The following RGS7 variants were observed in gnomAD, a reference collection of about 807,000 sequenced individuals.
The protein encoded by RGS7 is regulator of G-protein signaling 7.
Under a neutral mutation model 81.1 loss-of-function variants are expected in RGS7, and 27 were observed. The observed-to-expected ratio is 0.33, with a 90% CI of 0.25 to 0.46. RGS7 has a LOEUF of 0.46. Ranked by LOEUF, RGS7 falls within the 20% of genes least tolerant of loss-of-function variation. The pLI, the probability that RGS7 is intolerant of heterozygous loss-of-function variation, is 1.00. For missense variants in RGS7, 396 were observed against 607.4 expected (o/e 0.65, Z 3.66); for synonymous variants, 208 against 207.7 (o/e 1.00, Z -0.01).
rs559415204 is a variant in RGS7 at position 241,333,738 on chromosome 1, T to C, written c.78+21961A>G. On this transcript the variant is annotated intron_variant, in intron 2 of 18. Coordinates refer to ENST00000440928, the MANE Select transcript of RGS7 (RefSeq NM_001364886.1). ...TATTTTCTTATTTTCATTAAGGATA[T>C]TAAAACTATTTATATAGATAATATA... Among the ~76,000 whole-genome samples, 160 of 152,208 alleles carry C rather than the reference T, an allele frequency of 1.1e-3. 1 individual carries two copies. The highest frequency in any genetic ancestry group is 3.7e-3 in the African/African-American group (154 of 41,512).
chr1:241,126,256 T>C (rs2066651414), intron 2 of RGS7, among the ~76,000 whole-genome samples: 1 of 152,010 alleles, frequency 6.6e-6, no homozygotes, highest in Non-Finnish European at 1.5e-5. Flanking sequence ...TTCAAGGAAT[T>C]CTCCTGCCTC....
intron 3 of RGS7, among the ~76,000 whole-genome samples, chr1:241,040,818 A>T (rs908742258): frequency 2.6e-5 from 4 of 152,112 alleles, no homozygotes; most frequent in Non-Finnish European, 5.9e-5. Flanking sequence ...ACAAACAAAC[A>T]AACGAAAAGC....
At chr1:241,113,929 T>C (rs2065707086) in intron 2 of RGS7, among the ~76,000 whole-genome samples, 1 of 152,200 alleles carries the variant, frequency 6.6e-6, no homozygotes, top group South Asian at 2.1e-4. Context: ...CTGTATTACA[T>C]TATAGTCATA....
At chr1:240,852,774 G>A (rs534635592) in intron 9 of RGS7, among the ~76,000 whole-genome samples, 1 of 152,204 alleles carries the variant, frequency 6.6e-6, no homozygotes, top group South Asian at 2.1e-4. Context: ...AAGACAAAAA[G>A]GAAATTATCA....
chr1:240,813,555 C>T, intron 13 of RGS7, 63 bp downstream of exon 13: 1 of 975,084 alleles, frequency 1.0e-6, no homozygotes, highest in Non-Finnish European at 1.7e-6. Flanking sequence ...TAAAATCCTT[C>T]CCATTTCACT....
At position 240,933,083 on chromosome 1, in the gene RGS7, C is replaced by T. The variant is rs187750503; in HGVS notation, c.334-2315G>A. On this transcript the variant is annotated intron_variant, in intron 5 of 18. Coordinates refer to ENST00000440928, the MANE Select transcript of RGS7 (RefSeq NM_001364886.1). ...ATTTTCAGTAGAGACGGGGTTTCAC[C>T]GTGTTAGCCAGGATGGTCTCCATCT... Among the ~76,000 whole-genome samples, 197 of 149,994 alleles carry T rather than the reference C, an allele frequency of 1.3e-3. 1 individual carries two copies. The highest frequency in any genetic ancestry group is 6.8e-3 in the Middle Eastern group (2 of 294).
intron 2 of RGS7, among the ~76,000 whole-genome samples, chr1:241,106,731 A>C (rs892425934): frequency 9.5e-6 from 1 of 105,728 alleles, no homozygotes; most frequent in African/African-American, 4.3e-5. Context: ...AAAAAAAAAA[A>C]AAAAAAAACC....
rs111299955 is a variant in RGS7 at position 240,940,259 on chromosome 1, T to C, written c.227-3553A>G. ...TTTATTATTGTTTGTCTAAAAAGTA[T>C]AGAAGTGTCTTGCTTTGGCCATTTC... On this transcript the variant is annotated intron_variant, in intron 4 of 18. Coordinates refer to ENST00000440928, the MANE Select transcript of RGS7 (RefSeq NM_001364886.1). 7.3e-4 allele frequency among the ~76,000 whole-genome samples: 111 copies of C among 152,338 alleles called. 1 individual carries two copies. Among genetic ancestry groups the C allele is most frequent in the Non-Finnish European group, 1.5e-3 (102 of 68,038 alleles).
chr1:240,836,994 T>C (rs750233510), intron 9 of RGS7, among the ~76,000 whole-genome samples: 14 of 152,208 alleles, frequency 9.2e-5, no homozygotes, highest in Non-Finnish European at 1.9e-4. Context: ...TCCCTTTTTA[T>C]AGACTAGGAA....
At chr1:241,124,579 A>C (rs563989024) in intron 2 of RGS7, among the ~76,000 whole-genome samples, 102 of 152,350 alleles carry the variant, frequency 6.7e-4, no homozygotes, top group South Asian at 1.7e-3. Context: ...CCTTTAGTAC[A>C]AGGCGGTTCT....
intron 2 of RGS7, among the ~76,000 whole-genome samples, chr1:241,160,846 A>G (rs2069590919): frequency 6.6e-6 from 1 of 152,102 alleles, no homozygotes; most frequent in Non-Finnish European, 1.5e-5. Context: ...ACCTTATCAA[A>G]CCATCCCGGC....
intron 3 of RGS7, among the ~76,000 whole-genome samples, chr1:241,003,905 T>C (rs1169007739): frequency 2.0e-5 from 3 of 152,232 alleles, no homozygotes; most frequent in Admixed American, 1.3e-4. Context: ...TGTGCCACCA[T>C]GCCCAGCCAA....
intron 9 of RGS7, among the ~76,000 whole-genome samples, chr1:240,853,544 C>A: frequency 6.6e-6 from 1 of 152,062 alleles, no homozygotes; most frequent in Non-Finnish European, 1.5e-5. Flanking sequence ...ATATCACTTG[C>A]AAAAATTGGT....
chr1:241,114,382 C>T (rs1252775989), intron 2 of RGS7, among the ~76,000 whole-genome samples: 1 of 152,062 alleles, frequency 6.6e-6, no homozygotes, highest in Non-Finnish European at 1.5e-5. Flanking sequence ...CCTCTGCCTG[C>T]CTTTGAGTCT....
intron 2 of RGS7, among the ~76,000 whole-genome samples, chr1:241,235,733 T>C (rs1009674972): frequency 2.0e-5 from 3 of 148,678 alleles, no homozygotes; most frequent in Admixed American, 2.0e-4. Context: ...TTTCCTTTCC[T>C]TCTCTTTCTC....
intron 9 of RGS7, among the ~76,000 whole-genome samples, chr1:240,856,753 T>C (rs1207524779): frequency 2.0e-5 from 3 of 152,158 alleles, no homozygotes; most frequent in Non-Finnish European, 2.9e-5. Flanking sequence ...TTTGCATGTA[T>C]CAATTCTCAT....
chr1:240,906,374 C>T (rs935900829), intron 6 of RGS7, among the ~76,000 whole-genome samples: 20 of 152,130 alleles, frequency 1.3e-4, no homozygotes, highest in African/African-American at 4.3e-4. Context: ...CATTCCCAGA[C>T]GTCCCTCTTG....
chr1:241,270,361 A>G (rs2077811616), intron 2 of RGS7, among the ~76,000 whole-genome samples: 1 of 152,174 alleles, frequency 6.6e-6, no homozygotes, highest in Non-Finnish European at 1.5e-5. Flanking sequence ...ACCAATAGAA[A>G]TACATTCCTT....
intron 3 of RGS7, among the ~76,000 whole-genome samples, chr1:241,094,862 T>C (rs2064138982): frequency 3.9e-5 from 6 of 152,158 alleles, no homozygotes. Flanking sequence ...ATGACCTATG[T>C]TTTCCTTTGA....
Sources: allele counts gnomAD v4.1 joint callset (sites outside exome capture counted in the v4.1 genomes callset), GRCh38; gene constraint gnomAD v4.1.1; transcripts MANE v1.5; gene names NCBI Gene and HGNC (gene_info 2026-07-23, HGNC 2026-07-21).